CPA6: variants seen among roughly 807,000 people sequenced by gnomAD.
The protein encoded by CPA6 is carboxypeptidase B.
CPA6 carries 58 observed loss-of-function variants against 63.3 expected under a neutral mutation model. The observed-to-expected ratio is 0.92, with a 90% CI of 0.74 to 1.14. The LOEUF (loss-of-function observed/expected upper bound fraction) is 1.14. Ranked by LOEUF, CPA6 falls within the 50% of genes most tolerant of loss-of-function variation. The pLI is 0.00. For synonymous variants in CPA6, 185 were observed against 179.0 expected (o/e 1.03, Z -0.27); for missense variants, 565 against 526.6 (o/e 1.07, Z -0.71).
intron 2 of CPA6, chr8:67,569,556 G>T: frequency 8.6e-6 from 4 of 465,644 alleles, no homozygotes; most frequent in South Asian, 6.8e-5. Flanking sequence ...CACAGGCAAC[G>T]ACCACACAAC....
intron 1 of CPA6, among the ~76,000 whole-genome samples, chr8:67,626,316 T>C (rs1815193104): frequency 6.6e-6 from 1 of 152,206 alleles, no homozygotes; most frequent in African/African-American, 2.4e-5. Flanking sequence ...CAATGATTTT[T>C]TAGGGCTTTT....
chr8:67,662,589 A>G (rs936099608), intron 1 of CPA6, among the ~76,000 whole-genome samples: 1 of 114,302 alleles, frequency 8.7e-6, no homozygotes, highest in Non-Finnish European at 1.7e-5. Context: ...ATGTATATGT[A>G]TATATAGAAT....
intron 8 of CPA6, among the ~76,000 whole-genome samples, chr8:67,475,880 TC>T (rs1405008236): frequency 0.061 from 2,633 of 43,002 alleles, 130 homozygotes; most frequent in African/African-American, 0.12. Context: ...TCTTTCTTTC[TC>T]CTTTCTTTCT....
Position 67,496,548 on chromosome 8 carries a change from TATA to T in CPA6, c.636+10236_636+10238del, listed in dbSNP as rs1563976176. Among the ~76,000 whole-genome samples, 629 of 134,864 alleles carry T rather than the reference TATA, an allele frequency of 4.7e-3. 13 individuals carry two copies. The highest frequency in any genetic ancestry group is 0.019 in the African/African-American group (596 of 32,076). 88.5% of individuals were successfully genotyped at this position (134,864 alleles called of 152,430 possible). A position where few individuals can be genotyped will look rare whatever the true frequency, so the allele number is the denominator to read the frequency against. On this transcript the variant is annotated intron_variant, in intron 6 of 10. Coordinates refer to ENST00000297770, the MANE Select transcript of CPA6 (RefSeq NM_020361.5). ...ATATATATATATATATATATATATA[TATA>T]TATATATTTATTTTATTTTTTTTTT...
At chr8:67,741,951 TACC>T (rs1413588938) in intron 1 of CPA6, among the ~76,000 whole-genome samples, 1 of 152,184 alleles carries the variant, frequency 6.6e-6, no homozygotes, top group African/African-American at 2.4e-5. Context: ...TGGGGACCAC[TACC>T]ACACAGCACT....
At chr8:67,732,335 G>A (rs996336221) in intron 1 of CPA6, among the ~76,000 whole-genome samples, 3 of 152,170 alleles carry the variant, frequency 2.0e-5, no homozygotes, top group African/African-American at 7.2e-5. Context: ...ACTGCCTGCA[G>A]GTGTCAGCAA....
At chr8:67,549,617 T>A (rs976308811) in intron 2 of CPA6, among the ~76,000 whole-genome samples, 1 of 152,250 alleles carries the variant, frequency 6.6e-6, no homozygotes, top group African/African-American at 2.4e-5. Flanking sequence ...GATCTGTACC[T>A]TTTGACTAAT....
intron 1 of CPA6, among the ~76,000 whole-genome samples, chr8:67,720,849 T>C (rs1034139892): frequency 6.6e-6 from 1 of 152,202 alleles, no homozygotes; most frequent in African/African-American, 2.4e-5. Context: ...CTGCCTCCAC[T>C]AGAGATGCAG....
chr8:67,667,008 T>C (rs1419179197), intron 1 of CPA6, among the ~76,000 whole-genome samples: 1 of 151,590 alleles, frequency 6.6e-6, no homozygotes, highest in Non-Finnish European at 1.5e-5. Context: ...CATATAGGCA[T>C]GTGGTTATTA....
intron 1 of CPA6, among the ~76,000 whole-genome samples, chr8:67,633,504 AC>A (rs1815391462): frequency 6.6e-6 from 1 of 152,006 alleles, no homozygotes; most frequent in Non-Finnish European, 1.5e-5. Flanking sequence ...ACATGGTGAA[AC>A]CTCGTCTCTA....
intron 2 of CPA6, among the ~76,000 whole-genome samples, chr8:67,540,540 G>A (rs1279444927): frequency 6.6e-6 from 1 of 152,230 alleles, no homozygotes; most frequent in African/African-American, 2.4e-5. Context: ...CGCTGTGCTG[G>A]GAGATCTGCT....
At chr8:67,489,313 C>T (rs1385787413) in intron 6 of CPA6, among the ~76,000 whole-genome samples, 2 of 152,060 alleles carry the variant, frequency 1.3e-5, no homozygotes, top group African/African-American at 4.8e-5. Context: ...AACTTGGAGA[C>T]TTTATTCGTT....
At chr8:67,549,038 T>C (rs1563995744) in intron 2 of CPA6, among the ~76,000 whole-genome samples, 1 of 152,220 alleles carries the variant, frequency 6.6e-6, no homozygotes, top group Non-Finnish European at 1.5e-5. Context: ...GTTTAGGATC[T>C]ACATAATGAT....
At chr8:67,522,564 G>A (rs954093613) in intron 2 of CPA6, among the ~76,000 whole-genome samples, 9 of 152,212 alleles carry the variant, frequency 5.9e-5, no homozygotes, top group Middle Eastern at 3.2e-3. Flanking sequence ...GCTGCGAGGC[G>A]GTGGGAATGA....
chr8:67,545,339 A>G (rs940648845), intron 2 of CPA6, among the ~76,000 whole-genome samples: 2 of 152,090 alleles, frequency 1.3e-5, no homozygotes, highest in Non-Finnish European at 2.9e-5. Flanking sequence ...ATTATAATGC[A>G]CCCAAACTAT....
rs1229557199 is a variant in CPA6 at position 67,678,227 on chromosome 8, T to TCACACACA, written c.117-53984_117-53977dup. Among the ~76,000 whole-genome samples, 856 of 127,632 alleles carry TCACACACA rather than the reference T, an allele frequency of 6.7e-3. 5 individuals carry two copies. Among genetic ancestry groups the TCACACACA allele is most frequent in the Middle Eastern group, 0.024 (6 of 250 alleles). 83.7% of individuals were successfully genotyped at this position (127,632 alleles called of 152,430 possible). A position where few individuals can be genotyped will look rare whatever the true frequency, so the allele number is the denominator to read the frequency against. On this transcript the variant is annotated intron_variant, in intron 1 of 10. Transcript: ENST00000297770. ...TGGGAGATAATTGTAAAACTCTGTCTCACACACACACACACACACACACAC... is the reference window on the plus strand; with the variant it reads ...TGGGAGATAATTGTAAAACTCTGTCTCACACACACACACACACACACACACACACACAC...
At chr8:67,614,729 T>C (rs1814900646) in intron 2 of CPA6, among the ~76,000 whole-genome samples, 1 of 152,156 alleles carries the variant, frequency 6.6e-6, no homozygotes, top group African/African-American at 2.4e-5. Flanking sequence ...CCCACATACT[T>C]CCCCAGGCTT....
rs1471201978 is a variant in CPA6, at chr8:67,663,903, A to G, written c.117-39652T>C. Reference sequence around the variant, plus strand: ...AACAATGAATTCCTTAATTCTTGCTATCTAGGTGGAAACATAGGTTACATG... The same window carrying G: ...AACAATGAATTCCTTAATTCTTGCTGTCTAGGTGGAAACATAGGTTACATG... On this transcript the variant is annotated intron_variant, in intron 1 of 10. Transcript: ENST00000297770. Among the ~76,000 whole-genome samples the G allele has an allele frequency of 3.3e-5, 5 of 152,172 alleles. No individual in the cohort carries two copies. The East Asian group carries it at 7.7e-4, about 23-fold the overall frequency.
chr8:67,590,197 T>C (rs1273819611), intron 2 of CPA6, among the ~76,000 whole-genome samples: 3 of 152,140 alleles, frequency 2.0e-5, no homozygotes, highest in Non-Finnish European at 2.9e-5. Context: ...ATTTCATCCA[T>C]GTCCCTACAA....
Sources: gnomAD v4.1 joint callset for allele counts (sites outside exome capture counted in the v4.1 genomes callset) on GRCh38, gnomAD v4.1.1 for gene constraint, MANE v1.5 for transcripts, NCBI Gene and HGNC (gene_info 2026-07-23, HGNC 2026-07-21) for gene names.